BAZ1A: variants seen among roughly 807,000 people sequenced by gnomAD.
BAZ1A encodes the protein bromodomain adjacent to zinc finger domain protein 1A.
A neutral mutation model predicts 185.2 loss-of-function variants in BAZ1A; 50 were observed. The ratio of observed to expected loss-of-function variants is 0.27; its 90% CI spans 0.22 to 0.34. The LOEUF (loss-of-function observed/expected upper bound fraction) is 0.34. BAZ1A is among the 10% of genes least tolerant of loss of function. The pLI, the probability that BAZ1A is intolerant of heterozygous loss-of-function variation, is 1.00. For synonymous variants in BAZ1A, 571 were observed against 615.6 expected (o/e 0.93, Z 1.07); for missense variants, 1,356 against 1,839.9 (o/e 0.74, Z 4.81).
chr14:34,837,375 G>C (rs2042346482), intron 3 of BAZ1A, among the ~76,000 whole-genome samples: 1 of 151,172 alleles, frequency 6.6e-6, no homozygotes, highest in Non-Finnish European at 1.5e-5. Flanking sequence ...CTAAGTAGCT[G>C]GGACTACAGG....
chr14:34,759,766 C>G (rs1049965724), intron 24 of BAZ1A, among the ~76,000 whole-genome samples: 5 of 152,078 alleles, frequency 3.3e-5, no homozygotes, highest in African/African-American at 1.2e-4. Flanking sequence ...CTTCTGCCTC[C>G]TGGGTTCAAG....
Position 34,783,150 on chromosome 14 carries a change from G to A in BAZ1A, c.2080C>T (p.Gln694Ter), listed in dbSNP as rs1308483566. The stretch of plus-strand genomic sequence containing the variant: ...GATATATCTGCCGTTGAATTTCTTT[G>A]CTCATCTTCTTTCAGTTTTTCTTGT... ...EKQEKLKEDE[Q>*]RNSTADISIG... Residue 694 changes from glutamine (Q) to a stop codon, truncating the protein, a stop_gained, in exon 16 of 27, where the codon CAA becomes TAA. Coordinates refer to ENST00000360310, the MANE Select transcript of BAZ1A (RefSeq NM_013448.3). LOFTEE classifies it high-confidence loss of function. 6.2e-7 allele frequency: 1 copy of A among 1,607,846 alleles called. No homozygotes were observed.
chr14:34,866,881 C>T (rs138208764), intron 2 of BAZ1A, among the ~76,000 whole-genome samples: 1 of 151,734 alleles, frequency 6.6e-6, no homozygotes, highest in East Asian at 1.9e-4. Flanking sequence ...ATAAAAATAA[C>T]CCAATATATC....
At chr14:34,770,917 G>T (rs1411464000) in intron 21 of BAZ1A, among the ~76,000 whole-genome samples, 3 of 141,194 alleles carry the variant, frequency 2.1e-5, no homozygotes, top group Non-Finnish European at 4.6e-5. Flanking sequence ...ACTTATTTGG[G>T]GTTCTCTTTC....
chr14:34,821,843 G>A lies in BAZ1A; in HGVS notation c.536+4170C>T, dbSNP rs1333229385. 1.3e-5 allele frequency among the ~76,000 whole-genome samples: 2 copies of A among 152,044 alleles called. 1 individual carries two copies. Among genetic ancestry groups the A allele is most frequent in the Non-Finnish European group, 2.9e-5 (2 of 68,014 alleles). Reference sequence around the variant, plus strand: ...CTATTAAAAATACAAAATTAGCCGGGTGTGGTGGTGCATGCCTGTAATCCC... The same window carrying A: ...CTATTAAAAATACAAAATTAGCCGGATGTGGTGGTGCATGCCTGTAATCCC... On this transcript the variant is annotated intron_variant, in intron 4 of 26. Coordinates refer to ENST00000360310, the MANE Select transcript of BAZ1A (RefSeq NM_013448.3).
chr14:34,803,291 A>G (rs1161907157), intron 6 of BAZ1A, among the ~76,000 whole-genome samples: 1 of 151,406 alleles, frequency 6.6e-6, no homozygotes, highest in African/African-American at 2.4e-5. Context: ...AGGCAGGAGA[A>G]TCACTTGAAT....
At chr14:34,817,339 G>A (rs991381097) in intron 4 of BAZ1A, among the ~76,000 whole-genome samples, 1 of 152,082 alleles carries the variant, frequency 6.6e-6, no homozygotes, top group Non-Finnish European at 1.5e-5. Context: ...TGTAATCTCG[G>A]CACTTTGAGA....
At chr14:34,871,269 G>T (rs1297820215) in intron 2 of BAZ1A, among the ~76,000 whole-genome samples, 1 of 152,120 alleles carries the variant, frequency 6.6e-6, no homozygotes, top group Non-Finnish European at 1.5e-5. Context: ...TTTTGACCTG[G>T]CTGATCTCAA....
At position 34,761,964 on chromosome 14, in the gene BAZ1A, C is replaced by G. The variant is rs749394810; in HGVS notation, c.4036G>C (p.Asp1346His). The G allele has an allele frequency of 1.2e-6, 2 of 1,614,192 alleles. No homozygotes were observed. Among genetic ancestry groups the G allele is most frequent in the Non-Finnish European group, 8.5e-7 (1 of 1,180,038 alleles). ...GGACTAAGCAATTCCACAAATACAT[C>G]TGCTTGCAGTGGGCCATGACTGTGG... ...TRHSHGPLQADVFVELLSPRR... is the reference protein window; with the variant it reads ...TRHSHGPLQAHVFVELLSPRR... Residue 1346 changes from aspartate to histidine, a missense_variant, in exon 24 of 27, where the codon GAT becomes CAT. Transcript: ENST00000360310.
chr14:34,786,603 G>GTTTTTTTTTTTTTTTT lies in BAZ1A; in HGVS notation c.1511-383_1511-382insAAAAAAAAAAAAAAAA, dbSNP rs542523340. On this transcript the variant is annotated intron_variant, in intron 12 of 26. Coordinates refer to ENST00000360310, the MANE Select transcript of BAZ1A (RefSeq NM_013448.3). ...TTAAAGATACTCCAATCTTTTATGT[G>GTTTTTTTTTTTTTTTT]TGTTTTTTTTTTTTTTTTTTTTGAG... 18 of 106,860 alleles carry GTTTTTTTTTTTTTTTT rather than the reference G, an allele frequency of 1.7e-4. 5 individuals carry two copies. Among genetic ancestry groups the GTTTTTTTTTTTTTTTT allele is most frequent in the African/African-American group, 3.3e-4 (9 of 27,010 alleles). 6.6% of individuals were successfully genotyped at this position (106,860 alleles called of 1,614,324 possible).
chr14:34,824,408 CAAAAA>C, intron 4 of BAZ1A, among the ~76,000 whole-genome samples: 9 of 65,772 alleles, frequency 1.4e-4, no homozygotes, highest in African/African-American at 4.6e-4. Flanking sequence ...AGCAGCAACT[CAAAAA>C]AAAAAAAAAA....
intron 3 of BAZ1A, among the ~76,000 whole-genome samples, chr14:34,858,164 G>T (rs1238446329): frequency 6.6e-6 from 1 of 152,132 alleles, no homozygotes; most frequent in Admixed American, 6.6e-5. Context: ...AACAAAGCAT[G>T]GAAGAGAAAT....
At chr14:34,857,224 T>C (rs1393199667) in intron 3 of BAZ1A, among the ~76,000 whole-genome samples, 1 of 152,032 alleles carries the variant, frequency 6.6e-6, no homozygotes, top group South Asian at 2.1e-4. Context: ...GCCAGGATGG[T>C]CTCGATCTCC....
chr14:34,783,308 A>C, intron 15 of BAZ1A, 76 bp from the exon 16 acceptor site: 1 of 856,906 alleles, frequency 1.2e-6, no homozygotes, highest in Non-Finnish European at 1.9e-6. Context: ...GTCTTTAATC[A>C]AATCATGGAA....
At chr14:34,799,826 G>A (rs1296931420) in intron 9 of BAZ1A, among the ~76,000 whole-genome samples, 1 of 152,080 alleles carries the variant, frequency 6.6e-6, no homozygotes, top group East Asian at 1.9e-4. Flanking sequence ...TGGCCAGGCT[G>A]GTCTCGAACT....
At chr14:34,786,797 G>C (rs934529009) in intron 12 of BAZ1A, among the ~76,000 whole-genome samples, 1 of 151,294 alleles carries the variant, frequency 6.6e-6, no homozygotes, top group African/African-American at 2.4e-5. Flanking sequence ...TAGTAGAGAC[G>C]GGTTTTCACC....
At chr14:34,809,024 T>G (rs1274586607) in intron 5 of BAZ1A, among the ~76,000 whole-genome samples, 1 of 152,186 alleles carries the variant, frequency 6.6e-6, no homozygotes, top group Non-Finnish European at 1.5e-5. Flanking sequence ...AGACTTTTTT[T>G]GTTGTCAGTA....
At chr14:34,846,692 G>T (rs1002609661) in intron 3 of BAZ1A, among the ~76,000 whole-genome samples, 4 of 152,098 alleles carry the variant, frequency 2.6e-5, no homozygotes, top group African/African-American at 9.7e-5. Flanking sequence ...TTATGCATAA[G>T]GGTTCTAAAT....
In BAZ1A at chr14:34,773,722, G is replaced by C. The variant is rs1566552870; in HGVS notation, c.3002C>G (p.Thr1001Arg). The change falls in exon 20 of 27, where the codon ACA becomes AGA. Residue 1001 changes from threonine to arginine, a missense_variant. Coordinates refer to ENST00000360310, the MANE Select transcript of BAZ1A (RefSeq NM_013448.3). Reference sequence around the variant, plus strand: ...TGCTGATCTCCAGATATGTCGATCTGTAACCTGTAACAAAATTCAAACTTA... The same window carrying C: ...TGCTGATCTCCAGATATGTCGATCTCTAACCTGTAACAAAATTCAAACTTA... ...YQGTLGAIKVTDRHIWRSALE... is the reference protein window; with the variant it reads ...YQGTLGAIKVRDRHIWRSALE... 1 of 1,613,146 alleles carries C rather than the reference G, an allele frequency of 6.2e-7. No individual in the cohort carries two copies. Among genetic ancestry groups the C allele is most frequent in the Admixed American group, 1.7e-5 (1 of 59,982 alleles).
Sources: gnomAD v4.1 joint callset for allele counts (sites outside exome capture counted in the v4.1 genomes callset) on GRCh38, gnomAD v4.1.1 for gene constraint, MANE v1.5 for transcripts, NCBI Gene and HGNC (gene_info 2026-07-23, HGNC 2026-07-21) for gene names.